NUBPL: variants seen among roughly 807,000 people sequenced by gnomAD.
NUBPL encodes iron-sulfur cluster transfer protein NUBPL.
Under a neutral mutation model 45.7 loss-of-function variants are expected in NUBPL, and 31 were observed. That is an observed-to-expected ratio of 0.68 (90% CI 0.51 to 0.92). The LOEUF (loss-of-function observed/expected upper bound fraction) is 0.92. Ranked by LOEUF, NUBPL falls within the 40% of genes least tolerant of loss-of-function variation. The pLI is 0.00. For synonymous variants in NUBPL, 144 were observed against 140.9 expected (o/e 1.02, Z -0.15); for missense variants, 401 against 398.7 (o/e 1.01, Z -0.05).
chr14:31,833,557 A>G (rs561611014), intron 8 of NUBPL, among the ~76,000 whole-genome samples: 1 of 152,320 alleles, frequency 6.6e-6, no homozygotes, highest in African/African-American at 2.4e-5. Flanking sequence ...TTGCTGTTAC[A>G]AGTAGACCCC....
chr14:31,740,886 C>T (rs1456345260), intron 6 of NUBPL, among the ~76,000 whole-genome samples: 1 of 152,206 alleles, frequency 6.6e-6, no homozygotes, highest in Admixed American at 6.5e-5. Context: ...TTTCTTCAGC[C>T]ATTTCCAGTC....
At chr14:31,612,253 T>A (rs962972409) in intron 4 of NUBPL, among the ~76,000 whole-genome samples, 1 of 152,218 alleles carries the variant, frequency 6.6e-6, no homozygotes. Flanking sequence ...CAACCTGATA[T>A]AAGGAGCTCA....
chr14:31,653,060 G>T (rs1482515080), intron 4 of NUBPL, among the ~76,000 whole-genome samples: 1 of 152,176 alleles, frequency 6.6e-6, no homozygotes, highest in Admixed American at 6.5e-5. Context: ...CGGGAAGTGG[G>T]TCACAAAGAT....
intron 6 of NUBPL, among the ~76,000 whole-genome samples, chr14:31,755,166 C>T (rs2038630144): frequency 6.6e-6 from 1 of 152,024 alleles, no homozygotes; most frequent in Admixed American, 6.6e-5. Context: ...CATACGTGTG[C>T]ATGTGTCTTT....
At chr14:31,623,010 C>A (rs2035107558) in intron 4 of NUBPL, among the ~76,000 whole-genome samples, 1 of 152,238 alleles carries the variant, frequency 6.6e-6, no homozygotes, top group Non-Finnish European at 1.5e-5. Context: ...ATGAAAGCAG[C>A]CACAGGGGCT....
At chr14:31,571,186 C>G (rs2033571446) in intron 3 of NUBPL, among the ~76,000 whole-genome samples, 1 of 152,112 alleles carries the variant, frequency 6.6e-6, no homozygotes, top group Non-Finnish European at 1.5e-5. Flanking sequence ...TTTATGTGTC[C>G]TATCTTTCAG....
At chr14:31,673,305 T>A (rs753192491) in intron 4 of NUBPL, 50 bp from the exon 5 acceptor site, 18 of 1,477,576 alleles carry the variant, frequency 1.2e-5, no homozygotes, top group Non-Finnish European at 1.5e-5. Flanking sequence ...TCAGAATGTT[T>A]ATGTGTTGTG....
chr14:31,574,226 A>G (rs2033660004), intron 3 of NUBPL, among the ~76,000 whole-genome samples: 1 of 152,080 alleles, frequency 6.6e-6, no homozygotes. Flanking sequence ...TTTAAGTAAT[A>G]TTGCAAAATA....
intron 7 of NUBPL, among the ~76,000 whole-genome samples, chr14:31,790,563 A>T (rs2039361596): frequency 6.6e-6 from 1 of 152,120 alleles, no homozygotes; most frequent in South Asian, 2.1e-4. Flanking sequence ...TTAAACAGTA[A>T]CTCTCTGGCC....
intron 6 of NUBPL, among the ~76,000 whole-genome samples, chr14:31,721,534 T>C (rs78480954): frequency 0.11 from 16,649 of 152,104 alleles, 1,215 homozygotes; most frequent in Non-Finnish European, 0.17. Context: ...AACAGAAGCA[T>C]AGAAAAGCTA....
chr14:31,828,135 C>T (rs1415023084), intron 8 of NUBPL, among the ~76,000 whole-genome samples: 1 of 152,110 alleles, frequency 6.6e-6, no homozygotes, highest in African/African-American at 2.4e-5. Context: ...TGTTCTATGT[C>T]GTGAACTTTA....
intron 6 of NUBPL, among the ~76,000 whole-genome samples, chr14:31,767,684 T>C (rs576899574): frequency 6.7e-6 from 1 of 150,298 alleles, no homozygotes; most frequent in South Asian, 2.1e-4. Context: ...ACAGGGTGGA[T>C]GTGTTTTTTT....
chr14:31,837,222 G>A (rs369731074), intron 8 of NUBPL, among the ~76,000 whole-genome samples: 1 of 152,158 alleles, frequency 6.6e-6, no homozygotes, highest in Non-Finnish European at 1.5e-5. Flanking sequence ...TTAGGAGGCT[G>A]AGGCAAGAAG....
chr14:31,677,447 T>C (rs2036727068), intron 6 of NUBPL, among the ~76,000 whole-genome samples: 1 of 152,212 alleles, frequency 6.6e-6, no homozygotes, highest in Admixed American at 6.5e-5. Context: ...TGTTTATCTT[T>C]CTATGTCTGG....
At chr14:31,677,198 CTT>C (rs760885177) in intron 6 of NUBPL, among the ~76,000 whole-genome samples, 7 of 152,126 alleles carry the variant, frequency 4.6e-5, no homozygotes, top group African/African-American at 1.2e-4. Flanking sequence ...GAATTATACT[CTT>C]TTAGCTATTT....
In NUBPL at chr14:31,783,868, A is replaced by C. The variant is rs114411271; in HGVS notation, c.514-3912A>C. On this transcript the variant is annotated intron_variant, in intron 6 of 10. Coordinates refer to ENST00000281081, the MANE Select transcript of NUBPL (RefSeq NM_025152.3). ...AGAAATTGAAAGTAACATGATAAAT[A>C]TGAGTAAGTGCCAGGGAAAAACAAT... Among the ~76,000 whole-genome samples the C allele has an allele frequency of 6.5e-3, 993 of 152,302 alleles. 12 individuals are homozygous for C. The highest frequency in any genetic ancestry group is 0.022 in the African/African-American group (929 of 41,562).
chr14:31,807,807 T>C (rs1374954326), intron 7 of NUBPL, among the ~76,000 whole-genome samples: 1 of 152,196 alleles, frequency 6.6e-6, no homozygotes, highest in East Asian at 1.9e-4. Context: ...GTATAAGGTG[T>C]AAGGAAGGGA....
intron 10 of NUBPL, among the ~76,000 whole-genome samples, chr14:31,853,987 T>C (rs939312160): frequency 6.6e-6 from 1 of 152,244 alleles, no homozygotes. Context: ...TTATCCTTTT[T>C]ATCAAGTAAG....
intron 4 of NUBPL, among the ~76,000 whole-genome samples, chr14:31,651,167 A>G (rs1595437827): frequency 6.6e-6 from 1 of 151,870 alleles, no homozygotes; most frequent in South Asian, 2.1e-4. Context: ...GAGTCTTGCT[A>G]TGTTGCCCAT....
Sources: allele counts gnomAD v4.1 joint callset (sites outside exome capture counted in the v4.1 genomes callset), GRCh38; gene constraint gnomAD v4.1.1; transcripts MANE v1.5; gene names NCBI Gene and HGNC (gene_info 2026-07-23, HGNC 2026-07-21).